The following NAALAD2 variants were observed in gnomAD, a reference collection of about 807,000 sequenced individuals.
NAALAD2 encodes the protein N-acetylated-alpha-linked acidic dipeptidase 2.
NAALAD2 carries 89 observed loss-of-function variants against 95.6 expected under a neutral mutation model. The observed-to-expected ratio is 0.93, with a 90% CI of 0.78 to 1.11. The LOEUF is 1.11. Among genes scored for constraint, NAALAD2 ranks in the 50% least tolerant of loss-of-function variants. NAALAD2 has a pLI of 0.00. For synonymous variants in NAALAD2, 264 were observed against 294.4 expected, an observed-to-expected ratio of 0.90 and a Z score of 1.06; for missense variants, 894 against 872.4, an observed-to-expected ratio of 1.02 and a Z score of -0.31.
At chr11:90,178,163 T>C (rs372525395) in intron 16 of NAALAD2, 46 bp downstream of exon 16, 58 of 1,535,962 alleles carry the variant, frequency 3.8e-5, no homozygotes, top group Non-Finnish European at 4.9e-5. Flanking sequence ...AAGTTAGAGC[T>C]TTAAGATATT....
intron 15 of NAALAD2, among the ~76,000 whole-genome samples, chr11:90,176,334 A>G (rs1952793598): frequency 6.6e-6 from 1 of 152,194 alleles, no homozygotes; most frequent in Admixed American, 6.5e-5. Context: ...AGTAGTTCAC[A>G]TCCTTTTCCT....
intron 6 of NAALAD2, 134 bp downstream of exon 6, chr11:90,152,618 G>C (rs569619135): frequency 5.0e-6 from 3 of 595,496 alleles, no homozygotes; most frequent in Non-Finnish European, 8.1e-6. Context: ...GATTACTGCT[G>C]CTAGGAATTT....
chr11:90,165,642 A>G, intron 11 of NAALAD2, among the ~76,000 whole-genome samples: 1 of 152,230 alleles, frequency 6.6e-6, no homozygotes, highest in Non-Finnish European at 1.5e-5. Context: ...TTACACTGCG[A>G]ATTGTTATTT....
intron 15 of NAALAD2, 80 bp from the exon 16 acceptor site, chr11:90,177,769 ATAGT>A: frequency 7.5e-7 from 1 of 1,330,744 alleles, no homozygotes; most frequent in East Asian, 2.5e-5. Context: ...TATTTTTTCT[ATAGT>A]TATTTTTATG....
intron 5 of NAALAD2, among the ~76,000 whole-genome samples, chr11:90,151,680 AT>A (rs1951890725): frequency 6.6e-6 from 1 of 152,200 alleles, no homozygotes. Context: ...CAAGACTGTT[AT>A]CCATCTTCTG....
chr11:90,161,701 T>C (rs2134913114), intron 8 of NAALAD2, among the ~76,000 whole-genome samples: 1 of 152,318 alleles, frequency 6.6e-6, no homozygotes, highest in East Asian at 1.9e-4. Context: ...CCTATGTTTT[T>C]GTTTAGACTA....
At chr11:90,174,050 G>C in intron 14 of NAALAD2, 135 bp downstream of exon 14, 2 of 696,186 alleles carry the variant, frequency 2.9e-6, no homozygotes, top group Non-Finnish European at 4.8e-6. Context: ...AAGAATTCCT[G>C]GCCGAGCCCA....
chr11:90,135,619 G>A lies in NAALAD2; in HGVS notation c.143G>A (p.Arg48Gln), dbSNP rs755610436. The change falls in exon 2 of 19, where the codon CGG becomes CAG. Residue 48 changes from arginine to glutamine, a missense_variant. Coordinates refer to ENST00000534061, the MANE Select transcript of NAALAD2 (RefSeq NM_005467.4). Reference protein sequence around the residue: ...TTSVRYHQSIRWKLVSEMKAE... With the variant: ...TTSVRYHQSIQWKLVSEMKAE... ...TCTGTGCGCTATCATCAAAGTATACGGTGGAAACTGGTATCCGAAATGAAA... is the reference window on the plus strand; with the variant it reads ...TCTGTGCGCTATCATCAAAGTATACAGTGGAAACTGGTATCCGAAATGAAA... The A allele has an allele frequency of 5.3e-5, 86 of 1,613,172 alleles. 1 individual carries two copies. The South Asian group carries it at 8.9e-4, about 17-fold the overall frequency.
At chr11:90,150,672 C>T (rs868632091) in intron 5 of NAALAD2, 65 bp downstream of exon 5, 5 of 1,316,764 alleles carry the variant, frequency 3.8e-6, no homozygotes, top group African/African-American at 3.0e-5. Context: ...ATGTAAATGA[C>T]CAACTTGCTT....
rs528332222 is a variant in NAALAD2 at position 90,185,830 on chromosome 11, C to A, written c.2033+2822C>A. On this transcript the variant is annotated intron_variant, in intron 18 of 18. Coordinates refer to ENST00000534061, the MANE Select transcript of NAALAD2 (RefSeq NM_005467.4). Reference sequence around the variant, plus strand: ...TTGTTAATATCTCTATAATCAGGACCTGGGATTTCAGGGTGAAAGGGTAAA... The same window carrying A: ...TTGTTAATATCTCTATAATCAGGACATGGGATTTCAGGGTGAAAGGGTAAA... Among the ~76,000 whole-genome samples the A allele has an allele frequency of 4.6e-4, 69 of 148,618 alleles. 1 individual carries two copies. The highest frequency in any genetic ancestry group is 1.7e-3 in the African/African-American group (68 of 40,256).
intron 11 of NAALAD2, among the ~76,000 whole-genome samples, chr11:90,165,904 C>T (rs1003796385): frequency 6.6e-6 from 1 of 151,988 alleles, no homozygotes; most frequent in Non-Finnish European, 1.5e-5. Context: ...ATAATAAAAA[C>T]GCTTTGCATT....
chr11:90,131,772 G>GA (rs1357825486), upstream of NAALAD2: 1 of 152,072 alleles, frequency 6.6e-6, no homozygotes, highest in Non-Finnish European at 1.5e-5. Flanking sequence ...AGAAGAGGAG[G>GA]AAAAAATGCT....
At chr11:90,139,266 A>G (rs1951542008) in intron 2 of NAALAD2, among the ~76,000 whole-genome samples, 2 of 151,804 alleles carry the variant, frequency 1.3e-5, no homozygotes, top group African/African-American at 4.9e-5. Context: ...GCTGGTGTTT[A>G]TCTTTTCCAT....
intron 15 of NAALAD2, among the ~76,000 whole-genome samples, chr11:90,177,590 T>TG (rs1397042085): frequency 8.2e-5 from 3 of 36,674 alleles, no homozygotes; most frequent in African/African-American, 2.4e-4. Flanking sequence ...TTTCTTGTTT[T>TG]TTTTTTTTTT....
In NAALAD2 at chr11:90,154,903, C is replaced by T. The variant is rs1171054459; in HGVS notation, c.796+2419C>T. ...ACATAATATATGTATATATTATATA[C>T]GTATACATATGTATATATTATATAC... On this transcript the variant is annotated intron_variant, in intron 6 of 18. Coordinates refer to ENST00000534061, the MANE Select transcript of NAALAD2 (RefSeq NM_005467.4). Among the ~76,000 whole-genome samples, 7 of 93,012 alleles carry T rather than the reference C, an allele frequency of 7.5e-5. 1 individual carries two copies. Among genetic ancestry groups the T allele is most frequent in the Admixed American group, 3.7e-4 (3 of 8,026 alleles). The allele number at this position is 93,012 out of a possible 152,430, so 61.0% of individuals were successfully genotyped here. A position where few individuals can be genotyped will look rare whatever the true frequency, so the allele number is the denominator to read the frequency against.
chr11:90,164,002 T>A, intron 11 of NAALAD2: 1 of 342,978 alleles, frequency 2.9e-6, no homozygotes, highest in Non-Finnish European at 5.2e-6. Context: ...TCTTTAGAGT[T>A]CTTCCATCTG....
intron 2 of NAALAD2, among the ~76,000 whole-genome samples, chr11:90,139,216 G>C (rs1590954207): frequency 6.6e-6 from 1 of 152,162 alleles, no homozygotes; most frequent in South Asian, 2.1e-4. Context: ...ATAGGTTTCT[G>C]TTGTCCAGGC....
At chr11:90,143,775 A>C (rs115506307) in intron 2 of NAALAD2, among the ~76,000 whole-genome samples, 94 of 152,252 alleles carry the variant, frequency 6.2e-4, no homozygotes, top group African/African-American at 2.2e-3. Flanking sequence ...TTTATGATGG[A>C]TTTATCAGGG....
At chr11:90,137,149 TA>T (rs893386560) in intron 2 of NAALAD2, among the ~76,000 whole-genome samples, 2 of 149,538 alleles carry the variant, frequency 1.3e-5, no homozygotes, top group Admixed American at 6.9e-5. Flanking sequence ...ATGTGGGAGC[TA>T]AAAAAAAATT....
Sources: gnomAD v4.1 joint callset for allele counts (sites outside exome capture counted in the v4.1 genomes callset) on GRCh38, gnomAD v4.1.1 for gene constraint, MANE v1.5 for transcripts, NCBI Gene and HGNC (gene_info 2026-07-23, HGNC 2026-07-21) for gene names.